SORL1: variants seen among roughly 807,000 people sequenced by gnomAD.
The protein encoded by SORL1 is sortilin-related receptor.
SORL1 carries 127 observed loss-of-function variants against 273.7 expected under a neutral mutation model. The observed-to-expected ratio is 0.46, with a 90% confidence interval of 0.40 to 0.54. SORL1 has a LOEUF of 0.54. Ranked by LOEUF, SORL1 falls within the 20% of genes least tolerant of loss-of-function variation. SORL1 has a pLI of 0.00. For synonymous variants in SORL1, 1,031 were observed against 1,067.4 expected (o/e 0.97, Z 0.66); for missense variants, 2,494 against 2,846.1 (o/e 0.88, Z 2.81).
At chr11:121,546,899 G>A (rs963455331) in intron 14 of SORL1, 2 of 152,228 alleles carry the variant, frequency 1.3e-5, no homozygotes, top group Non-Finnish European at 2.9e-5. Flanking sequence ...TGCCTCAGGA[G>A]TTCTGGGGCT....
intron 45 of SORL1, among the ~76,000 whole-genome samples, chr11:121,624,015 G>A (rs1863759797): frequency 6.6e-6 from 1 of 152,216 alleles, no homozygotes; most frequent in South Asian, 2.1e-4. Flanking sequence ...GACAAAGAGA[G>A]AATGAGAGCC....
Position 121,596,712 on chromosome 11 carries a change from CT to C in SORL1, c.4519+941del, listed in dbSNP as rs1342096598. On this transcript the variant is annotated intron_variant, in intron 32 of 47. Coordinates refer to ENST00000260197, the MANE Select transcript of SORL1 (RefSeq NM_003105.6). This position sits in a 1 kb window ranked among gnomAD's most constrained non-coding sequence, Gnocchi z 4.3. Reference sequence around the variant, plus strand: ...CGTCCGTGCTTGCCTGATTCCTGTCCTGGTGAATGTAGAAGACGCCCCTCTC... The same window carrying C: ...CGTCCGTGCTTGCCTGATTCCTGTCCGGTGAATGTAGAAGACGCCCCTCTC... Among the ~76,000 whole-genome samples, 4 of 152,146 alleles carry C rather than the reference CT, an allele frequency of 2.6e-5. No homozygotes were observed. Among genetic ancestry groups the C allele is most frequent in the Non-Finnish European group, 5.9e-5 (4 of 68,024 alleles).
intron 26 of SORL1, among the ~76,000 whole-genome samples, chr11:121,585,595 G>A (rs1565345076): frequency 6.6e-6 from 1 of 151,506 alleles, no homozygotes; most frequent in Non-Finnish European, 1.5e-5. Flanking sequence ...AATCTCTCAG[G>A]TGTAGGTTGA....
intron 25 of SORL1, among the ~76,000 whole-genome samples, chr11:121,581,589 T>G (rs1005500210): frequency 6.6e-6 from 1 of 152,142 alleles, no homozygotes; most frequent in African/African-American, 2.4e-5. Context: ...TACCGGGCAC[T>G]CAAAATCAGA....
intron 7 of SORL1, among the ~76,000 whole-genome samples, chr11:121,513,818 C>G (rs901861199): frequency 6.6e-6 from 1 of 152,322 alleles, no homozygotes; most frequent in Middle Eastern, 3.4e-3. Context: ...AGTGCATTAA[C>G]CCGTATTGTA....
rs1269749910 is a variant in SORL1, at chr11:121,597,215, C to G, written c.4519+1443C>G. ...AAAGGGAAGAGGGAGTCGGCCGTCC[C>G]TTCTCTGTCTGTAGCGTTGTTCTCC... On this transcript the variant is annotated intron_variant, in intron 32 of 47. Transcript: ENST00000260197. Among the ~76,000 whole-genome samples the G allele has an allele frequency of 2.0e-5, 3 of 152,212 alleles. No homozygotes were observed. In the East Asian group the frequency reaches 5.8e-4, roughly 29 times the overall value.
intron 24 of SORL1, among the ~76,000 whole-genome samples, chr11:121,575,022 A>G (rs1359409910): frequency 2.0e-5 from 3 of 152,100 alleles, no homozygotes; most frequent in African/African-American, 7.2e-5. Context: ...ATAGGCATTG[A>G]GTGAGCATCT....
chr11:121,458,869 G>A lies in SORL1; in HGVS notation c.285+6253G>A, dbSNP rs141616567. 2.9e-3 allele frequency among the ~76,000 whole-genome samples: 436 copies of A among 152,276 alleles called. 2 individuals are homozygous for A. Among genetic ancestry groups the A allele is most frequent in the Non-Finnish European group, 3.8e-3 (258 of 68,022 alleles). On this transcript the variant is annotated intron_variant, in intron 1 of 47. Coordinates refer to ENST00000260197, the MANE Select transcript of SORL1 (RefSeq NM_003105.6). ...TTTTTTTAACTGTAACATGACCAAT[G>A]CTTTGTGCATTTTATGGTGGGTTCC...
intron 4 of SORL1, among the ~76,000 whole-genome samples, chr11:121,488,639 A>G (rs1861510014): frequency 6.6e-6 from 1 of 152,222 alleles, no homozygotes; most frequent in Non-Finnish European, 1.5e-5. Context: ...TACCACTAAC[A>G]GTAATAGTCT....
intron 11 of SORL1, among the ~76,000 whole-genome samples, chr11:121,531,255 G>A (rs944620265): frequency 2.6e-5 from 4 of 152,298 alleles, no homozygotes; most frequent in South Asian, 2.1e-4. Context: ...TGAGCTGGGC[G>A]TGGTGGTGCA....
At chr11:121,496,219 C>T (rs1380477164) in intron 5 of SORL1, among the ~76,000 whole-genome samples, 5 of 152,204 alleles carry the variant, frequency 3.3e-5, no homozygotes, top group Non-Finnish European at 5.9e-5. Context: ...GAGGGCATCT[C>T]CTCACGAGAG....
intron 23 of SORL1, among the ~76,000 whole-genome samples, chr11:121,572,145 C>T (rs1862853511): frequency 6.6e-6 from 1 of 152,284 alleles, no homozygotes; most frequent in Admixed American, 6.5e-5. Flanking sequence ...GAGTGAGGGA[C>T]ACAGGTGGCA....
chr11:121,619,310 G>A (rs1301945855), intron 42 of SORL1, among the ~76,000 whole-genome samples: 1 of 152,152 alleles, frequency 6.6e-6, no homozygotes, highest in East Asian at 1.9e-4. Context: ...ACATATCATG[G>A]TTTATTCATG....
chr11:121,455,749 G>A (rs989567551), intron 1 of SORL1, among the ~76,000 whole-genome samples: 1 of 152,180 alleles, frequency 6.6e-6, no homozygotes, highest in Non-Finnish European at 1.5e-5. Context: ...TCCCAGCACT[G>A]TGGGAGGCCG....
At chr11:121,530,096 C>T (rs937107706) in intron 11 of SORL1, among the ~76,000 whole-genome samples, 4 of 152,178 alleles carry the variant, frequency 2.6e-5, no homozygotes, top group Non-Finnish European at 4.4e-5. Flanking sequence ...CCCTTTTCTC[C>T]TCCCCCACCT....
intron 24 of SORL1, 77 bp from the exon 25 acceptor site, chr11:121,577,204 A>C: frequency 6.6e-7 from 1 of 1,518,250 alleles, no homozygotes; most frequent in Non-Finnish European, 8.9e-7. Flanking sequence ...TCCATCCTTT[A>C]TGAGAGCTTT....
At chr11:121,564,653 T>C (rs961500474) in intron 21 of SORL1, among the ~76,000 whole-genome samples, 2 of 151,384 alleles carry the variant, frequency 1.3e-5, no homozygotes, top group African/African-American at 4.9e-5. Context: ...CTCAGCTAAC[T>C]GCAGCCTCTG....
At chr11:121,489,754 C>T (rs1242760634) in intron 4 of SORL1, among the ~76,000 whole-genome samples, 1 of 152,182 alleles carries the variant, frequency 6.6e-6, no homozygotes, top group Non-Finnish European at 1.5e-5. Flanking sequence ...TTACCATTAC[C>T]TAGAGGCTAG....
At chr11:121,535,352 T>A (rs1019979119) in intron 12 of SORL1, among the ~76,000 whole-genome samples, 3 of 152,242 alleles carry the variant, frequency 2.0e-5, no homozygotes, top group African/African-American at 7.2e-5. Flanking sequence ...CTTGAGCATA[T>A]TTCTGTTAGG....
Sources: allele counts gnomAD v4.1 joint callset (sites outside exome capture counted in the v4.1 genomes callset), GRCh38; gene constraint gnomAD v4.1.1; non-coding constraint Gnocchi (gnomAD v3.1); transcripts MANE v1.5; gene names NCBI Gene and HGNC (gene_info 2026-07-23, HGNC 2026-07-21).